The following LMO7 variants were observed in gnomAD, a reference collection of about 807,000 sequenced individuals.
The protein encoded by LMO7 is LIM domain only protein 7.
A neutral mutation model predicts 206.5 loss-of-function variants in LMO7; 120 were observed. That is an observed-to-expected ratio of 0.58 (90% CI 0.50 to 0.68). The LOEUF (loss-of-function observed/expected upper bound fraction) is 0.68, where lower values mean the gene tolerates loss of function less well. LMO7 is among the 30% of genes least tolerant of loss of function. The pLI is 0.00. For missense variants in LMO7, 1,959 were observed against 1,957.9 expected (o/e 1.00, Z -0.01); for synonymous variants, 706 against 681.5 (o/e 1.04, Z -0.56).
chr13:75,724,279 C>T (rs1246802867), intron 2 of LMO7, among the ~76,000 whole-genome samples: 1 of 152,118 alleles, frequency 6.6e-6, no homozygotes, highest in Admixed American at 6.6e-5. Flanking sequence ...AAGAGCAAGC[C>T]TCTGCTGTAC....
chr13:75,829,097 A>T (rs567880111), intron 15 of LMO7, among the ~76,000 whole-genome samples: 2 of 152,304 alleles, frequency 1.3e-5, no homozygotes, highest in East Asian at 3.9e-4. Flanking sequence ...GGCATCGGAG[A>T]CATGGCAATG....
At chr13:75,774,837 CAGA>C (rs2050171255) in intron 4 of LMO7, among the ~76,000 whole-genome samples, 2 of 152,038 alleles carry the variant, frequency 1.3e-5, no homozygotes, top group African/African-American at 4.8e-5. Context: ...TTTTGAAGAG[CAGA>C]AGATTTGATG....
intron 4 of LMO7, among the ~76,000 whole-genome samples, chr13:75,765,626 C>A (rs1380974657): frequency 2.0e-5 from 3 of 151,966 alleles, no homozygotes; most frequent in African/African-American, 4.8e-5. Flanking sequence ...CTGTTTAAGA[C>A]CATTGGCAAA....
intron 4 of LMO7, among the ~76,000 whole-genome samples, chr13:75,763,505 T>C (rs2048452442): frequency 6.6e-6 from 1 of 152,206 alleles, no homozygotes; most frequent in African/African-American, 2.4e-5. Flanking sequence ...AATGGGAAGG[T>C]GCATTGTAAC....
At chr13:75,704,522 A>G (rs1370630423) in intron 1 of LMO7, among the ~76,000 whole-genome samples, 1 of 152,204 alleles carries the variant, frequency 6.6e-6, no homozygotes, top group African/African-American at 2.4e-5. Context: ...TACAAGCTCA[A>G]ACAATGTTTT....
intron 1 of LMO7, among the ~76,000 whole-genome samples, chr13:75,694,081 G>T (rs535941948): frequency 6.6e-6 from 1 of 152,264 alleles, no homozygotes; most frequent in African/African-American, 2.4e-5. Flanking sequence ...TACAGAAAAA[G>T]ATGTGTAAAA....
chr13:75,779,589 T>C (rs2051008914), intron 4 of LMO7, among the ~76,000 whole-genome samples: 1 of 152,234 alleles, frequency 6.6e-6, no homozygotes, highest in South Asian at 2.1e-4. Flanking sequence ...TGATTGGTGA[T>C]ACTCTAATAT....
intron 12 of LMO7, among the ~76,000 whole-genome samples, chr13:75,817,968 G>C (rs1408563154): frequency 1.3e-5 from 2 of 152,064 alleles, no homozygotes; most frequent in African/African-American, 4.8e-5. Context: ...AAACCCAAAG[G>C]AATTTGAGGA....
chr13:75,708,927 C>G (rs568296224), intron 1 of LMO7, among the ~76,000 whole-genome samples: 104 of 152,200 alleles, frequency 6.8e-4, no homozygotes, highest in African/African-American at 2.4e-3. Flanking sequence ...AGGTATATCT[C>G]CTAATGCTAT....
intron 1 of LMO7, among the ~76,000 whole-genome samples, chr13:75,683,181 C>T (rs534081943): frequency 3.4e-4 from 52 of 151,928 alleles, no homozygotes; most frequent in South Asian, 1.2e-3. Context: ...GCCTCAGCCT[C>T]TTAACAGTGC....
chr13:75,639,548 C>T (rs888531556), intron 1 of LMO7, among the ~76,000 whole-genome samples: 11 of 147,264 alleles, frequency 7.5e-5, no homozygotes, highest in South Asian at 2.1e-4. Context: ...AGCAAGGCTA[C>T]GCAGTGGCTG....
At chr13:75,664,244 T>A (rs2038898667) in intron 1 of LMO7, among the ~76,000 whole-genome samples, 1 of 152,192 alleles carries the variant, frequency 6.6e-6, no homozygotes, top group Non-Finnish European at 1.5e-5. Context: ...AATATTAATT[T>A]ATAAAAATAA....
intron 28 of LMO7, among the ~76,000 whole-genome samples, chr13:75,854,561 T>C (rs145787579): frequency 6.6e-6 from 1 of 152,204 alleles, no homozygotes; most frequent in East Asian, 1.9e-4. Flanking sequence ...GTGCTCATGC[T>C]GTGGGGGTGC....
chr13:75,744,043 G>A (rs2139250557), intron 3 of LMO7, among the ~76,000 whole-genome samples: 1 of 152,188 alleles, frequency 6.6e-6, no homozygotes, highest in East Asian at 1.9e-4. Flanking sequence ...ACAAATACTT[G>A]ACAGTAAATA....
At chr13:75,623,366 G>T in intron 2 of LMO7, 1 of 1,087,434 alleles carries the variant, frequency 9.2e-7, no homozygotes, top group Non-Finnish European at 1.4e-6. Context: ...AAAGGCCAAA[G>T]CATTTTTTTC....
intron 3 of LMO7, among the ~76,000 whole-genome samples, chr13:75,750,130 T>C (rs1261281510): frequency 1.3e-5 from 2 of 151,930 alleles, no homozygotes; most frequent in Non-Finnish European, 2.9e-5. Flanking sequence ...ATAATTAAAA[T>C]GCAAATTTGG....
chr13:75,753,157 AT>A (rs2047403733), intron 3 of LMO7, among the ~76,000 whole-genome samples: 1 of 152,012 alleles, frequency 6.6e-6, no homozygotes, highest in African/African-American at 2.4e-5. Flanking sequence ...AGTGGTTTTA[AT>A]TTGCATTTCT....
At chr13:75,788,394 C>T (rs911050380) in intron 4 of LMO7, among the ~76,000 whole-genome samples, 4 of 134,118 alleles carry the variant, frequency 3.0e-5, no homozygotes, top group Middle Eastern at 4.2e-3. Context: ...GTGGAGGTTG[C>T]AATGAGCCGA....
At position 75,780,918 on chromosome 13, in the gene LMO7, T is replaced by G. The variant is rs2051235287; in HGVS notation, c.318-14483T>G. 2.0e-5 allele frequency among the ~76,000 whole-genome samples: 3 copies of G among 152,148 alleles called. No individual in the cohort carries two copies. In the South Asian group the frequency reaches 6.2e-4, roughly 32 times the overall value. On this transcript the variant is annotated intron_variant, in intron 4 of 30. Coordinates refer to ENST00000377534, the MANE Select transcript of LMO7 (RefSeq NM_001306080.2). ...CTATTGCTCAATTCCTCCAACTTTA[T>G]TCATGAAATAGGTTGGATTTGCTTT...
Sources: allele counts gnomAD v4.1 joint callset (sites outside exome capture counted in the v4.1 genomes callset), GRCh38; gene constraint gnomAD v4.1.1; transcripts MANE v1.5; gene names NCBI Gene and HGNC (gene_info 2026-07-23, HGNC 2026-07-21).